The following CLIP4 variants were observed in gnomAD, a reference collection of about 807,000 sequenced individuals.
The protein encoded by CLIP4 is CAP-Gly domain-containing linker protein 4.
In CLIP4, 47 loss-of-function variants were observed where a neutral mutation model predicts 73.1. The ratio of observed to expected loss-of-function variants is 0.64; its 90% CI spans 0.51 to 0.82. The LOEUF (loss-of-function observed/expected upper bound fraction) is 0.82. CLIP4 is among the 40% of genes least tolerant of loss of function. The pLI is 0.00. For synonymous variants in CLIP4, 306 were observed against 295.4 expected, an observed-to-expected ratio of 1.04 and a Z score of -0.37; for missense variants, 874 against 852.9, an observed-to-expected ratio of 1.02 and a Z score of -0.31.
At chr2:29,155,054 G>A (rs1215462485) in intron 9 of CLIP4, among the ~76,000 whole-genome samples, 1 of 152,270 alleles carries the variant, frequency 6.6e-6, no homozygotes, top group Admixed American at 6.5e-5. Flanking sequence ...CAAGGAAAAA[G>A]ACAGTCCAAG....
intron 1 of CLIP4, among the ~76,000 whole-genome samples, chr2:29,105,780 A>G (rs1192763928): frequency 6.6e-6 from 1 of 152,114 alleles, no homozygotes. Flanking sequence ...TCCTTCCCCC[A>G]TGTGAGGCTA....
At chr2:29,101,300 C>CAAAAAA (rs1174781959) in intron 1 of CLIP4, among the ~76,000 whole-genome samples, 24 of 83,466 alleles carry the variant, frequency 2.9e-4, no homozygotes, top group Non-Finnish European at 2.8e-4. Flanking sequence ...CCCCCCAAAA[C>CAAAAAA]AAAAAAAAAA....
In CLIP4 at chr2:29,132,261, A is replaced by C. The variant is rs762828573; in HGVS notation, c.367+16A>C. 1 of 1,588,702 alleles carries C rather than the reference A, an allele frequency of 6.3e-7. No homozygotes were observed. The highest frequency in any genetic ancestry group is 1.1e-5 in the South Asian group (1 of 90,412). On this transcript the variant is annotated intron_variant, in intron 4 of 15. Transcript: ENST00000320081. ...CATGGTATTGGTAAGTGTGTGGTAA[A>C]TCTATCAGTTGCTTATGTCATCTGC...
At chr2:29,151,428 T>A (rs771570919) in intron 8 of CLIP4, among the ~76,000 whole-genome samples, 16 of 150,202 alleles carry the variant, frequency 1.1e-4, no homozygotes, top group Non-Finnish European at 2.1e-4. Flanking sequence ...AGAGAGAGAG[T>A]GTGTGTGTGT....
At chr2:29,127,966 C>G (rs1217843597) in intron 2 of CLIP4, among the ~76,000 whole-genome samples, 2 of 151,986 alleles carry the variant, frequency 1.3e-5, no homozygotes, top group Non-Finnish European at 2.9e-5. Context: ...CAGAACATAT[C>G]CAATTTCTAG....
At chr2:29,173,119 C>A (rs879344840) in intron 14 of CLIP4, among the ~76,000 whole-genome samples, 25 of 152,216 alleles carry the variant, frequency 1.6e-4, no homozygotes, top group African/African-American at 6.0e-4. Context: ...TATAAAAATT[C>A]TTTGAGGCCT....
At chr2:29,130,117 A>G (rs557424573) in intron 2 of CLIP4, 1 of 469,948 alleles carries the variant, frequency 2.1e-6, no homozygotes, top group Non-Finnish European at 4.4e-6. Flanking sequence ...TCAGATTCAA[A>G]AGAGACTTAC....
rs1665146762 is a variant in CLIP4 at position 29,133,763 on chromosome 2, A to T, written c.476A>T (p.Tyr159Phe). 6 of 1,613,260 alleles carry T rather than the reference A, an allele frequency of 3.7e-6. No individual in the cohort carries two copies. In the African/African-American group the frequency reaches 8.0e-5, roughly 22 times the overall value. Reference protein sequence around the residue: ...TNMNALHYAAYFDVPELIRVI... With the variant: ...TNMNALHYAAFFDVPELIRVI... The stretch of plus-strand genomic sequence containing the variant: ...ATGAATGCTTTGCATTATGCTGCTT[A>T]TTTTGATGTCCCTGAACTTATAAGA... Residue 159 changes from tyrosine to phenylalanine, a missense_variant, in exon 5 of 16, where the codon TAT (tyrosine) becomes TTT (phenylalanine). Tyr to Phe is a conservative substitution (Grantham distance 22, BLOSUM62 3). Transcript: ENST00000320081.
intron 8 of CLIP4, among the ~76,000 whole-genome samples, chr2:29,145,825 G>A (rs766744106): frequency 2.0e-5 from 3 of 152,206 alleles, no homozygotes; most frequent in Non-Finnish European, 4.4e-5. Context: ...GGGATTACAG[G>A]CATTTGCCAC....
At chr2:29,148,559 C>T (rs1204159669) in intron 8 of CLIP4, among the ~76,000 whole-genome samples, 1 of 152,180 alleles carries the variant, frequency 6.6e-6, no homozygotes, top group African/African-American at 2.4e-5. Context: ...ACAAAACTGT[C>T]TCTTAGCTTG....
intron 6 of CLIP4, 141 bp downstream of exon 6, chr2:29,135,807 GTGA>G (rs1665311222): frequency 3.5e-6 from 2 of 569,096 alleles, no homozygotes; most frequent in African/African-American, 2.0e-5. Flanking sequence ...CATGTAAAGA[GTGA>G]TGATGATCTT....
At chr2:29,132,785 T>G (rs1665069510) in intron 4 of CLIP4, 1 of 152,382 alleles carries the variant, frequency 6.6e-6, no homozygotes, top group Non-Finnish European at 1.5e-5. Context: ...GACTCCTTTT[T>G]CCCCTCACAA....
intron 13 of CLIP4, among the ~76,000 whole-genome samples, chr2:29,165,881 T>C (rs1266156883): frequency 5.3e-5 from 8 of 152,176 alleles, no homozygotes; most frequent in African/African-American, 1.9e-4. Context: ...CCTTCTTGCT[T>C]TGTTTCTGGA....
chr2:29,117,402 GGC>G (rs1663936340), intron 1 of CLIP4, among the ~76,000 whole-genome samples: 2 of 150,218 alleles, frequency 1.3e-5, no homozygotes, highest in East Asian at 3.9e-4. Flanking sequence ...GCAGTGCAGT[GGC>G]CTGATCTCTC....
At chr2:29,103,007 T>G (rs941544392) in intron 1 of CLIP4, among the ~76,000 whole-genome samples, 1 of 152,260 alleles carries the variant, frequency 6.6e-6, no homozygotes, top group African/African-American at 2.4e-5. Context: ...TCTGGACTCT[T>G]GGGCCTGGAT....
chr2:29,131,473 G>A (rs549053519), intron 3 of CLIP4, 76 bp downstream of exon 3: 4 of 1,447,980 alleles, frequency 2.8e-6, no homozygotes, highest in East Asian at 4.7e-5. Flanking sequence ...CATCTGAAAG[G>A]AAGATGGTAA....
chr2:29,153,569 A>G (rs1205979492), intron 9 of CLIP4, among the ~76,000 whole-genome samples: 2 of 152,054 alleles, frequency 1.3e-5, no homozygotes, highest in Non-Finnish European at 2.9e-5. Flanking sequence ...TTATTTGTGC[A>G]AGTGTCCTAT....
chr2:29,121,659 T>C (rs1258329334), intron 2 of CLIP4, 138 bp downstream of exon 2: 17 of 921,128 alleles, frequency 1.8e-5, no homozygotes, highest in African/African-American at 5.1e-5. Context: ...TTTTCAAAAA[T>C]ACAATTGCTT....
At chr2:29,144,081 G>A (rs990779389) in intron 7 of CLIP4, 136 bp downstream of exon 7, 32 of 706,944 alleles carry the variant, frequency 4.5e-5, no homozygotes, top group Middle Eastern at 5.6e-4. Context: ...AATGGAAAAT[G>A]TAAAACTTAG....
Sources: gnomAD v4.1 joint callset for allele counts (sites outside exome capture counted in the v4.1 genomes callset) on GRCh38, gnomAD v4.1.1 for gene constraint, MANE v1.5 for transcripts, NCBI Gene and HGNC (gene_info 2026-07-23, HGNC 2026-07-21) for gene names.